The following DRC2 variants were observed in gnomAD, a reference collection of about 807,000 sequenced individuals.
DRC2 encodes dynein regulatory complex subunit 2, also known as coiled-coil domain containing 65.
the DRC2 span, among the ~76,000 whole-genome samples, chr12:48,915,764 G>A: frequency 9.2e-5 from 14 of 151,486 alleles, no homozygotes; most frequent in Non-Finnish European, 1.2e-4. Flanking sequence ...TGGGGCGGCT[G>A]GCCGGGCGGG....
chr12:48,910,416 C>G, the DRC2 span, among the ~76,000 whole-genome samples: 40 of 152,150 alleles, frequency 2.6e-4, no homozygotes, highest in African/African-American at 9.4e-4. Context: ...TTCATAAGAT[C>G]CTTTTATCAT....
chr12:48,909,778 CTTTT>C, the DRC2 span, among the ~76,000 whole-genome samples: 3 of 139,004 alleles, frequency 2.2e-5, no homozygotes, highest in Non-Finnish European at 1.5e-5. Flanking sequence ...CGCCCAGCCT[CTTTT>C]TTTTTTTTTT....
chr12:48,920,454 A>ATT, the DRC2 span, among the ~76,000 whole-genome samples: 429 of 148,282 alleles, frequency 2.9e-3, 8 homozygotes, highest in Non-Finnish European at 4.9e-3. Flanking sequence ...AAAAAAAAAA[A>ATT]AAAAAAAAAA....
the DRC2 span, among the ~76,000 whole-genome samples, chr12:48,906,627 G>A: frequency 5.3e-5 from 8 of 151,684 alleles, no homozygotes; most frequent in Non-Finnish European, 8.8e-5. Context: ...GTACAGTGGC[G>A]CGATCTCGGC....
chr12:48,905,169 T>C, the DRC2 span: 1 of 1,429,264 alleles, frequency 7.0e-7, no homozygotes, highest in Non-Finnish European at 9.4e-7. Flanking sequence ...CTTAATAGAA[T>C]GAGCCTAGTG....
At chr12:48,920,397 C>T in the DRC2 span, among the ~76,000 whole-genome samples, 37 of 128,392 alleles carry the variant, frequency 2.9e-4, no homozygotes, top group Non-Finnish European at 4.4e-4. Context: ...GTCGAGATCG[C>T]GCCACTGCAC....
chr12:48,921,538 A>C, the DRC2 span: 1 of 1,492,692 alleles, frequency 6.7e-7, no homozygotes, highest in Non-Finnish European at 8.9e-7. Flanking sequence ...TTTTTGAGAA[A>C]TGTAGGGATG....
At chr12:48,920,441 T>TTTTAAAAAAAA in the DRC2 span, among the ~76,000 whole-genome samples, 26 of 67,814 alleles carry the variant, frequency 3.8e-4, 1 homozygote, top group Non-Finnish European at 6.5e-4. Flanking sequence ...AACTCCATCT[T>TTTTAAAAAAAA]AAAAAAAAAA....
chr12:48,919,151 A>C, the DRC2 span, among the ~76,000 whole-genome samples: 1 of 151,810 alleles, frequency 6.6e-6, no homozygotes, highest in South Asian at 2.1e-4. Context: ...GGCCTCAAGC[A>C]GTCCTCTTGC....
the DRC2 span, chr12:48,921,414 C>G: frequency 1.2e-6 from 2 of 1,611,724 alleles, no homozygotes; most frequent in Non-Finnish European, 1.7e-6. Context: ...TATAGCCCAT[C>G]CAGGTGATAA....
chr12:48,911,468 G>C, the DRC2 span, among the ~76,000 whole-genome samples: 1 of 152,072 alleles, frequency 6.6e-6, no homozygotes, highest in Non-Finnish European at 1.5e-5. Flanking sequence ...TGAGGTGGGG[G>C]ATCAATTGAG....
At chr12:48,920,408 T>G in the DRC2 span, among the ~76,000 whole-genome samples, 1 of 105,728 alleles carries the variant, frequency 9.5e-6, no homozygotes, top group Non-Finnish European at 1.7e-5. Flanking sequence ...GCCACTGCAC[T>G]CCAGCCTGGG....
At chr12:48,921,020 C>G in the DRC2 span, 2 of 1,613,702 alleles carry the variant, frequency 1.2e-6, no homozygotes, top group Non-Finnish European at 1.7e-6. Flanking sequence ...AGTATTGACT[C>G]CTAAGGAGCA....
the DRC2 span, among the ~76,000 whole-genome samples, chr12:48,919,858 T>C: frequency 3.3e-5 from 5 of 150,850 alleles, no homozygotes; most frequent in African/African-American, 4.9e-5. Context: ...TGGTGGCTCA[T>C]GCCTGTAATC....
the DRC2 span, chr12:48,904,288 G>A: frequency 2.5e-6 from 4 of 1,580,890 alleles, no homozygotes; most frequent in Non-Finnish European, 3.4e-6. Flanking sequence ...TCTGTAACGC[G>A]GGCCGAGGCA....
chr12:48,918,375 C>T, the DRC2 span: 61 of 1,614,036 alleles, frequency 3.8e-5, no homozygotes, highest in Non-Finnish European at 5.0e-5. Flanking sequence ...ACTGATGCCA[C>T]AGAGGATCGA....
At chr12:48,907,062 AAAATTAGCCAGGC>A in the DRC2 span, among the ~76,000 whole-genome samples, 1 of 151,718 alleles carries the variant, frequency 6.6e-6, no homozygotes, top group Non-Finnish European at 1.5e-5. Context: ...AAAAATACAA[AAAATTAGCCAGGC>A]GTGGTGGCGG....
the DRC2 span, chr12:48,918,447 AG>A: frequency 6.2e-7 from 1 of 1,614,172 alleles, no homozygotes; most frequent in Non-Finnish European, 8.5e-7. Flanking sequence ...ATTGAAGTAC[AG>A]ATGAAAAAAA....
the DRC2 span, among the ~76,000 whole-genome samples, chr12:48,915,762 C>T: frequency 4.6e-5 from 7 of 151,154 alleles, no homozygotes; most frequent in African/African-American, 1.7e-4. Context: ...GATGGGGCGG[C>T]TGGCCGGGCG....
Sources: gnomAD v4.1 joint callset for allele counts (sites outside exome capture counted in the v4.1 genomes callset) on GRCh38, gnomAD v4.1.1 for gene constraint, MANE v1.5 for transcripts, NCBI Gene and HGNC (gene_info 2026-07-23, HGNC 2026-07-21) for gene names.